SLC9A9: variants seen among roughly 807,000 people sequenced by gnomAD.
The protein encoded by SLC9A9 is solute carrier family 9 member A9.
A neutral mutation model predicts 77.8 loss-of-function variants in SLC9A9; 62 were observed. That is an observed-to-expected ratio of 0.80 (90% confidence interval 0.65 to 0.98). The LOEUF (loss-of-function observed/expected upper bound fraction) is 0.98. Ranked by LOEUF, SLC9A9 falls within the 50% of genes least tolerant of loss-of-function variation. SLC9A9 has a pLI of 0.00. For missense variants in SLC9A9, 775 were observed against 774.9 expected (o/e 1.00, Z 0.00); for synonymous variants, 320 against 283.5 (o/e 1.13, Z -1.29).
At chr3:143,388,893 C>T (rs917261349) in intron 12 of SLC9A9, among the ~76,000 whole-genome samples, 5 of 152,112 alleles carry the variant, frequency 3.3e-5, no homozygotes, top group Admixed American at 6.5e-5. Context: ...CAATTAGGTA[C>T]GTTTCACAGA....
intron 4 of SLC9A9, among the ~76,000 whole-genome samples, chr3:143,782,085 T>C (rs576908974): frequency 5.3e-5 from 8 of 152,354 alleles, no homozygotes; most frequent in East Asian, 3.9e-4. Context: ...ATCTTCTTTA[T>C]GATTCACATA....
At chr3:143,795,136 A>G in intron 3 of SLC9A9, 59 bp from the exon 4 acceptor site, 1 of 1,487,580 alleles carries the variant, frequency 6.7e-7, no homozygotes, top group East Asian at 2.3e-5. Flanking sequence ...AGTGCAAAAG[A>G]AAATAAAAAT....
At position 143,804,461 on chromosome 3, in the gene SLC9A9, C is replaced by T. The variant is rs137968152; in HGVS notation, c.379-7558G>A. On this transcript the variant is annotated intron_variant, in intron 2 of 15. Coordinates refer to ENST00000316549, the MANE Select transcript of SLC9A9 (RefSeq NM_173653.4). The stretch of plus-strand genomic sequence containing the variant: ...TTACCCCATCAGTCCCCATTACAAC[C>T]TCTGATGGCTGCCGCCCTAGCTGGA... 1.3e-4 allele frequency among the ~76,000 whole-genome samples: 20 copies of T among 152,262 alleles called. No individual in the cohort carries two copies. The South Asian group carries it at 4.1e-3, about 32-fold the overall frequency.
chr3:143,565,800 A>C (rs1440956453), intron 8 of SLC9A9, among the ~76,000 whole-genome samples: 2 of 151,954 alleles, frequency 1.3e-5, no homozygotes, highest in Non-Finnish European at 2.9e-5. Flanking sequence ...TGGTTCTGTC[A>C]ATATAAAGCA....
intron 4 of SLC9A9, among the ~76,000 whole-genome samples, chr3:143,710,957 CA>C: frequency 6.6e-6 from 1 of 152,274 alleles, no homozygotes; most frequent in South Asian, 2.1e-4. Flanking sequence ...TGACAAGTAA[CA>C]AACTTATAAA....
At chr3:143,378,610 TG>T (rs2033234713) in intron 13 of SLC9A9, among the ~76,000 whole-genome samples, 1 of 152,178 alleles carries the variant, frequency 6.6e-6, no homozygotes, top group South Asian at 2.1e-4. Context: ...ATTAAAGGAC[TG>T]AAGGCAAGTG....
At chr3:143,306,454 A>G (rs940361839) in intron 14 of SLC9A9, among the ~76,000 whole-genome samples, 25 of 152,366 alleles carry the variant, frequency 1.6e-4, no homozygotes, top group African/African-American at 6.0e-4. Flanking sequence ...TAATGCATGC[A>G]AAGTGTTAAG....
At chr3:143,723,957 CA>C (rs1289837127) in intron 4 of SLC9A9, among the ~76,000 whole-genome samples, 1 of 152,200 alleles carries the variant, frequency 6.6e-6, no homozygotes, top group Admixed American at 6.5e-5. Context: ...GGAAAATAAA[CA>C]CCCCTGATGG....
At chr3:143,760,432 T>C (rs972189998) in intron 4 of SLC9A9, among the ~76,000 whole-genome samples, 9 of 152,198 alleles carry the variant, frequency 5.9e-5, no homozygotes, top group Non-Finnish European at 8.8e-5. Flanking sequence ...GACATGATTG[T>C]ATAGCTAGAA....
At chr3:143,609,304 T>G (rs796799106) in intron 6 of SLC9A9, among the ~76,000 whole-genome samples, 1 of 152,158 alleles carries the variant, frequency 6.6e-6, no homozygotes, top group South Asian at 2.1e-4. Flanking sequence ...TGATTGGCAC[T>G]TGGAGTTGGT....
At chr3:143,552,666 G>A (rs113820277) in intron 8 of SLC9A9, among the ~76,000 whole-genome samples, 3 of 152,244 alleles carry the variant, frequency 2.0e-5, no homozygotes, top group African/African-American at 7.2e-5. Context: ...ACATTAAGAA[G>A]TAGATTCTAA....
intron 6 of SLC9A9, among the ~76,000 whole-genome samples, chr3:143,645,488 CATA>C (rs2038690052): frequency 6.6e-6 from 1 of 152,170 alleles, no homozygotes; most frequent in Non-Finnish European, 1.5e-5. Context: ...CAACACTTGG[CATA>C]ATGTCTGGCA....
chr3:143,479,689 A>C (rs1351726597), intron 11 of SLC9A9, among the ~76,000 whole-genome samples: 1 of 152,192 alleles, frequency 6.6e-6, no homozygotes, highest in Non-Finnish European at 1.5e-5. Context: ...CAGGGATGTC[A>C]CTAATGATTG....
intron 9 of SLC9A9, among the ~76,000 whole-genome samples, chr3:143,530,666 C>CA (rs2036492500): frequency 7.1e-6 from 1 of 140,994 alleles, no homozygotes; most frequent in African/African-American, 2.5e-5. Context: ...AACAAACAAA[C>CA]AAACAAACAA....
intron 4 of SLC9A9, among the ~76,000 whole-genome samples, chr3:143,764,068 T>C (rs2007224391): frequency 6.6e-6 from 1 of 152,140 alleles, no homozygotes; most frequent in Non-Finnish European, 1.5e-5. Context: ...AAGCTTATAT[T>C]ATAGAATTTC....
At chr3:143,362,910 TGGAAA>T (rs1446898515) in intron 14 of SLC9A9, among the ~76,000 whole-genome samples, 1 of 152,216 alleles carries the variant, frequency 6.6e-6, no homozygotes, top group Non-Finnish European at 1.5e-5. Context: ...TGCCCTTCAC[TGGAAA>T]AAGCTTATTC....
intron 6 of SLC9A9, among the ~76,000 whole-genome samples, chr3:143,622,686 G>A (rs553787856): frequency 7.7e-4 from 118 of 152,298 alleles, no homozygotes; most frequent in African/African-American, 2.7e-3. Context: ...GACCATCGAT[G>A]CTAGGAAGAA....
intron 11 of SLC9A9, among the ~76,000 whole-genome samples, chr3:143,488,620 C>T (rs569850522): frequency 1.7e-4 from 26 of 151,880 alleles, no homozygotes; most frequent in African/African-American, 5.8e-4. Context: ...GTGTAATACA[C>T]GACATTAACA....
chr3:143,831,981 C>T (rs767656948), intron 2 of SLC9A9, 38 bp downstream of exon 2: 3 of 1,551,450 alleles, frequency 1.9e-6, no homozygotes, highest in Non-Finnish European at 2.7e-6. Context: ...ATTATTTATA[C>T]TGTAAAACAA....
Sources: allele counts gnomAD v4.1 joint callset (sites outside exome capture counted in the v4.1 genomes callset), GRCh38; gene constraint gnomAD v4.1.1; transcripts MANE v1.5; gene names NCBI Gene and HGNC (gene_info 2026-07-23, HGNC 2026-07-21).